Variants in UQCRC2 observed in about 807,000 individuals in gnomAD.
UQCRC2 encodes the protein cytochrome b-c1 complex subunit 2, mitochondrial.
UQCRC2 carries 49 observed loss-of-function variants against 55.6 expected under a neutral mutation model. That is an observed-to-expected ratio of 0.88 (90% confidence interval 0.70 to 1.12). UQCRC2 has a LOEUF of 1.12. UQCRC2 is among the 50% of genes most tolerant of loss of function. The probability of loss-of-function intolerance (pLI) is 0.00; values close to 1 mark genes in which losing one functional copy is unlikely to be tolerated. For synonymous variants in UQCRC2, 193 were observed against 192.0 expected, an observed-to-expected ratio of 1.01 and a Z score of -0.04; for missense variants, 506 against 547.8, an observed-to-expected ratio of 0.92 and a Z score of 0.76.
At chr16:21,974,917 GACGTGA>G (rs1898546345) in intron 11 of UQCRC2, among the ~76,000 whole-genome samples, 1 of 152,198 alleles carries the variant, frequency 6.6e-6, no homozygotes, top group African/African-American at 2.4e-5. Flanking sequence ...TGTTTTGACA[GACGTGA>G]GAGGAAAGTT....
chr16:21,960,387 T>C (rs375376602), intron 4 of UQCRC2, among the ~76,000 whole-genome samples: 8 of 152,246 alleles, frequency 5.3e-5, no homozygotes, highest in African/African-American at 1.4e-4. Flanking sequence ...AGCCTTCATA[T>C]AATTGAAGAG....
intron 10 of UQCRC2, among the ~76,000 whole-genome samples, chr16:21,972,432 T>G (rs1222345625): frequency 6.6e-6 from 1 of 152,214 alleles, no homozygotes; most frequent in Non-Finnish European, 1.5e-5. Flanking sequence ...AGATTCTAAC[T>G]AGTCTTTTTT....
chr16:21,969,340 C>T (rs1898402393), intron 8 of UQCRC2, among the ~76,000 whole-genome samples: 1 of 152,122 alleles, frequency 6.6e-6, no homozygotes, highest in African/African-American at 2.4e-5. Context: ...TCAAGACCAG[C>T]CTAGCCAACA....
intron 4 of UQCRC2, 114 bp from the exon 5 acceptor site, chr16:21,962,346 C>T (rs1166465757): frequency 1.6e-6 from 2 of 1,262,282 alleles, no homozygotes; most frequent in African/African-American, 1.5e-5. Context: ...TTATTGTTCG[C>T]ACCTTTTATA....
intron 7 of UQCRC2, among the ~76,000 whole-genome samples, chr16:21,967,747 T>TA (rs1342557240): frequency 3.3e-5 from 5 of 152,282 alleles, no homozygotes; most frequent in South Asian, 2.1e-4. Context: ...ATTGTGATCT[T>TA]ACAGTTTCGA....
chr16:21,970,518 T>A (rs1898433883), intron 8 of UQCRC2, among the ~76,000 whole-genome samples: 1 of 152,238 alleles, frequency 6.6e-6, no homozygotes, highest in South Asian at 2.1e-4. Context: ...TTTTGATTTG[T>A]ATTTCCCTAA....
chr16:21,969,547 C>G (rs1261149651), intron 8 of UQCRC2, among the ~76,000 whole-genome samples: 1 of 152,002 alleles, frequency 6.6e-6, no homozygotes, highest in Non-Finnish European at 1.5e-5. Flanking sequence ...AATACAATTC[C>G]AAATGTTTAC....
intron 13 of UQCRC2, among the ~76,000 whole-genome samples, chr16:21,981,023 T>C (rs778912228): frequency 2.6e-5 from 4 of 152,178 alleles, no homozygotes; most frequent in Non-Finnish European, 5.9e-5. Flanking sequence ...AAACTAATGG[T>C]AGTTTATAAA....
chr16:21,954,335 A>T (rs1898057517), intron 1 of UQCRC2, among the ~76,000 whole-genome samples: 1 of 151,356 alleles, frequency 6.6e-6, no homozygotes, highest in East Asian at 1.9e-4. Context: ...GTGTTGAGAA[A>T]CCCCCCTAGA....
intron 7 of UQCRC2, 96 bp downstream of exon 7, chr16:21,965,601 C>T (rs1597957021): frequency 9.4e-7 from 1 of 1,060,772 alleles, no homozygotes; most frequent in South Asian, 2.0e-5. Context: ...CTTTTATCTT[C>T]TAACTTTAAG....
At chr16:21,964,118 C>T (rs947775545) in intron 6 of UQCRC2, among the ~76,000 whole-genome samples, 5 of 152,138 alleles carry the variant, frequency 3.3e-5, no homozygotes, top group African/African-American at 1.2e-4. Context: ...GGCTCCCCTC[C>T]ACATGCAGGC....
Position 21,972,063 on chromosome 16 carries a change from A to AGCCC in UQCRC2, c.909_910insCCGC (p.Asn304ProfsTer20), listed in dbSNP as rs1265130391. On this transcript the variant is annotated frameshift_variant, in exon 10 of 14. Coordinates refer to ENST00000268379, the MANE Select transcript of UQCRC2 (RefSeq NM_003366.4). LOFTEE classifies it high-confidence loss of function. Reference sequence around the variant, plus strand: ...TGCTGGGCCACATGTCAAGAGGGGCAGCAACACCACCAGCCATCTGCACCA... The same window carrying AGCCC: ...TGCTGGGCCACATGTCAAGAGGGGCAGCCCGCAACACCACCAGCCATCTGCACCA... 5.0e-6 allele frequency: 8 copies of AGCCC among 1,614,160 alleles called. No homozygotes were observed. Among genetic ancestry groups the AGCCC allele is most frequent in the Non-Finnish European group, 6.8e-6 (8 of 1,180,016 alleles).
intron 4 of UQCRC2, among the ~76,000 whole-genome samples, chr16:21,961,645 T>TATAC (rs1898204416): frequency 1.0e-5 from 1 of 95,248 alleles, no homozygotes; most frequent in Non-Finnish European, 2.0e-5. Context: ...TATATATATA[T>TATAC]ATATATATAT....
intron 11 of UQCRC2, 116 bp downstream of exon 11, chr16:21,974,092 G>GCT: frequency 2.3e-6 from 2 of 861,682 alleles, no homozygotes; most frequent in Non-Finnish European, 3.6e-6. Context: ...ACTTATCAGA[G>GCT]CTCTGTATAG....
At chr16:21,976,280 T>C in intron 12 of UQCRC2, 37 bp downstream of exon 12, 1 of 1,508,470 alleles carries the variant, frequency 6.6e-7, no homozygotes, top group Non-Finnish European at 9.2e-7. Flanking sequence ...ATGTTTTTGT[T>C]ATTTGAAAGT....
chr16:21,962,809 T>G lies in UQCRC2; in HGVS notation c.438T>G (p.Phe146Leu), dbSNP rs1898236802. Reference sequence around the variant, plus strand: ...TCAATGTCACCACAGCACCAGAATTTCGTCGTTGGGAAGTAGCTGACCTTC... The same window carrying G: ...TCAATGTCACCACAGCACCAGAATTGCGTCGTTGGGAAGTAGCTGACCTTC... ...FLLNVTTAPE[F>L]RRWEVADLQP... The change falls in exon 6 of 14, where the codon TTT becomes TTG. Residue 146 changes from phenylalanine (F) to leucine (L), a missense_variant. Coordinates refer to ENST00000268379, the MANE Select transcript of UQCRC2 (RefSeq NM_003366.4). 3.7e-6 allele frequency: 6 copies of G among 1,614,032 alleles called. No individual in the cohort carries two copies. The highest frequency in any genetic ancestry group is 3.4e-6 in the Non-Finnish European group (4 of 1,180,030).
intron 13 of UQCRC2, 84 bp from the exon 14 acceptor site, chr16:21,983,004 C>G: frequency 1.5e-4 from 135 of 908,276 alleles, no homozygotes; most frequent in Middle Eastern, 3.0e-4. Flanking sequence ...TCCATAAATT[C>G]TTGAAATGAC....
chr16:21,961,626 T>TATATATATATA (rs1898200733), intron 4 of UQCRC2, among the ~76,000 whole-genome samples: 1 of 64,476 alleles, frequency 1.6e-5, no homozygotes, highest in Non-Finnish European at 4.3e-5. Context: ...AACATAAAAT[T>TATATATATATA]TATATATATA....
At position 21,972,103 on chromosome 16, in the gene UQCRC2, C is replaced by G. The variant is rs1200922812; in HGVS notation, c.947C>G (p.Ala316Gly). 6.2e-7 allele frequency: 1 copy of G among 1,613,692 alleles called. No individual in the cohort carries two copies. Among genetic ancestry groups the G allele is most frequent in the Non-Finnish European group, 8.5e-7 (1 of 1,179,780 alleles). ...TSHLHQAVAK[A>G]TQQPFDVSAF... The stretch of plus-strand genomic sequence containing the variant: ...CATCTGCACCAGGCTGTTGCCAAGG[C>G]AACTCAGCAGCCATTTGATGTGAGT... The change falls in exon 10 of 14, where the codon GCA becomes GGA. Residue 316 changes from alanine (A) to glycine (G), a missense_variant. Coordinates refer to ENST00000268379, the MANE Select transcript of UQCRC2 (RefSeq NM_003366.4).
Sources: allele counts gnomAD v4.1 joint callset (sites outside exome capture counted in the v4.1 genomes callset), GRCh38; gene constraint gnomAD v4.1.1; transcripts MANE v1.5; gene names NCBI Gene and HGNC (gene_info 2026-07-23, HGNC 2026-07-21).